Variants in CRTC3 observed in about 807,000 individuals in gnomAD.
The protein encoded by CRTC3 is CREB regulated transcription coactivator 3.
Under a neutral mutation model 74.5 loss-of-function variants are expected in CRTC3, and 26 were observed. That is an observed-to-expected ratio of 0.35 (90% confidence interval 0.26 to 0.48). The LOEUF (loss-of-function observed/expected upper bound fraction) is 0.48, where lower values mean the gene tolerates loss of function less well. Ranked by LOEUF, CRTC3 falls within the 20% of genes least tolerant of loss-of-function variation. The pLI, the probability that CRTC3 is intolerant of heterozygous loss-of-function variation, is 0.99. For missense variants in CRTC3, 760 were observed against 787.3 expected (o/e 0.97, Z 0.41); for synonymous variants, 377 against 325.8 (o/e 1.16, Z -1.69).
At chr15:90,593,893 G>T in intron 3 of CRTC3, 138 bp downstream of exon 3, 1 of 819,294 alleles carries the variant, frequency 1.2e-6, no homozygotes. Flanking sequence ...AAATAAATGA[G>T]TTGGAAACTA....
intron 9 of CRTC3, among the ~76,000 whole-genome samples, chr15:90,624,197 TG>T (rs1342486140): frequency 1.3e-5 from 2 of 152,112 alleles, no homozygotes; most frequent in Non-Finnish European, 2.9e-5. Flanking sequence ...GACTTCCCTC[TG>T]CTCCTGGCTG....
rs1262781255 is a variant in CRTC3, at chr15:90,543,658, C to T, written c.231+3521C>T. Among the ~76,000 whole-genome samples, 6 of 152,080 alleles carry T rather than the reference C, an allele frequency of 3.9e-5. No homozygotes were observed. The South Asian group carries it at 6.2e-4, about 16-fold the overall frequency. The stretch of plus-strand genomic sequence containing the variant: ...AATTAGGCTGGTGGGAGCCCTCTTC[C>T]GAACTGAGAAAAATTCTTGAAAAAC... On this transcript the variant is annotated intron_variant, in intron 2 of 14. Coordinates refer to ENST00000268184, the MANE Select transcript of CRTC3 (RefSeq NM_022769.5).
chr15:90,534,087 G>A (rs150336157), intron 1 of CRTC3, among the ~76,000 whole-genome samples: 28 of 152,272 alleles, frequency 1.8e-4, no homozygotes, highest in Non-Finnish European at 3.7e-4. Context: ...TAGCTCCAGC[G>A]TGGTGGGTAG....
intron 1 of CRTC3, among the ~76,000 whole-genome samples, chr15:90,533,009 C>G (rs952048289): frequency 7.7e-6 from 1 of 129,126 alleles, no homozygotes; most frequent in African/African-American, 3.0e-5. Context: ...CGCTCGAACC[C>G]AGGAGGTGGA....
intron 14 of CRTC3, 39 bp from the exon 15 acceptor site, chr15:90,641,893 C>T (rs745898431): frequency 1.9e-6 from 3 of 1,594,882 alleles, no homozygotes; most frequent in Non-Finnish European, 1.7e-6. Context: ...CTTCGCGCCT[C>T]CTAACCGCAC....
chr15:90,610,820 G>A (rs1968338650), intron 6 of CRTC3, among the ~76,000 whole-genome samples: 1 of 152,170 alleles, frequency 6.6e-6, no homozygotes, highest in South Asian at 2.1e-4. Context: ...AGGGACTGGG[G>A]TGGTCTCTTC....
At chr15:90,555,932 C>T (rs561079171) in intron 2 of CRTC3, among the ~76,000 whole-genome samples, 9 of 152,134 alleles carry the variant, frequency 5.9e-5, no homozygotes, top group Admixed American at 4.6e-4. Flanking sequence ...AATATGTGCT[C>T]ATTGTGTAAA....
intron 6 of CRTC3, among the ~76,000 whole-genome samples, chr15:90,608,717 G>A (rs111595344): frequency 0.031 from 4,686 of 152,198 alleles, 259 homozygotes; most frequent in African/African-American, 0.11. Flanking sequence ...CACAGTGCCC[G>A]GCACAGAGGA....
chr15:90,547,769 A>G (rs1966846882), intron 2 of CRTC3, among the ~76,000 whole-genome samples: 1 of 152,182 alleles, frequency 6.6e-6, no homozygotes, highest in Non-Finnish European at 1.5e-5. Flanking sequence ...AGCATGTTCC[A>G]GCCTGTGTAA....
chr15:90,532,590 A>C (rs1351018381), intron 1 of CRTC3, among the ~76,000 whole-genome samples: 1 of 152,200 alleles, frequency 6.6e-6, no homozygotes, highest in African/African-American at 2.4e-5. Flanking sequence ...TACATGATCA[A>C]AGCAATCCTT....
chr15:90,585,800 A>G (rs973794271), intron 2 of CRTC3, among the ~76,000 whole-genome samples: 5 of 152,182 alleles, frequency 3.3e-5, no homozygotes, highest in Admixed American at 1.3e-4. Flanking sequence ...CACCTACTGC[A>G]AGCTGGAAAA....
chr15:90,642,384 TC>T lies in CRTC3; in HGVS notation c.*247del. On this transcript the variant is annotated 3_prime_UTR_variant, in exon 15 of 15. Transcript: ENST00000268184. ...TGCAGCAGGCAGGCTGCTTGGAGCT[TC>T]CCATGAACTGGAAAGCTCACCTCCA... 1.8e-6 allele frequency: 1 copy of T among 544,014 alleles called. No individual in the cohort carries two copies. The highest frequency in any genetic ancestry group is 3.3e-6 in the Non-Finnish European group (1 of 301,594). The allele number at this position is 544,014 out of a possible 1,614,324, so 33.7% of individuals were successfully genotyped here.
intron 7 of CRTC3, 86 bp downstream of exon 7, chr15:90,614,574 A>G: frequency 1.1e-6 from 1 of 942,348 alleles, no homozygotes; most frequent in Admixed American, 2.1e-5. Context: ...ATAAATATTC[A>G]TGTTTTCAGG....
At chr15:90,540,996 G>A (rs1324277968) in intron 2 of CRTC3, among the ~76,000 whole-genome samples, 2 of 152,158 alleles carry the variant, frequency 1.3e-5, no homozygotes, top group Non-Finnish European at 2.9e-5. Flanking sequence ...CTCAGTGCAG[G>A]TGTAAGACAC....
At chr15:90,635,525 A>G (rs1033785410) in intron 11 of CRTC3, among the ~76,000 whole-genome samples, 1 of 152,098 alleles carries the variant, frequency 6.6e-6, no homozygotes, top group East Asian at 1.9e-4. Context: ...TGCTCCTGTA[A>G]TCTCAGCTAC....
chr15:90,628,329 AAAC>A (rs1319311605), intron 10 of CRTC3, among the ~76,000 whole-genome samples: 1 of 152,142 alleles, frequency 6.6e-6, no homozygotes, highest in South Asian at 2.1e-4. Context: ...TGTCAACACG[AAAC>A]AACACATAGT....
chr15:90,642,298 G>A lies in CRTC3; in HGVS notation c.*158G>A. 1 of 640,948 alleles carries A rather than the reference G, an allele frequency of 1.6e-6. No individual in the cohort carries two copies. Among genetic ancestry groups the A allele is most frequent in the East Asian group, 2.7e-5 (1 of 36,480 alleles). The allele number at this position is 640,948 out of a possible 1,614,324, so 39.7% of individuals were successfully genotyped here. On this transcript the variant is annotated 3_prime_UTR_variant, in exon 15 of 15. Coordinates refer to ENST00000268184, the MANE Select transcript of CRTC3 (RefSeq NM_022769.5). The stretch of plus-strand genomic sequence containing the variant: ...CAGATGAGATCCCATCTCAGACACT[G>A]TGGCTTCCTCCAGATCACACAGCTT...
intron 11 of CRTC3, chr15:90,635,099 C>T (rs1316150797): frequency 5.6e-6 from 4 of 708,680 alleles, no homozygotes; most frequent in Non-Finnish European, 1.0e-5. Context: ...TGAAATCTTT[C>T]ATCATGTAAA....
intron 6 of CRTC3, 35 bp downstream of exon 6, chr15:90,607,513 G>A: frequency 2.3e-6 from 3 of 1,320,278 alleles, no homozygotes; most frequent in Non-Finnish European, 3.3e-6. Context: ...CAGCAGCTGT[G>A]CTTGCTCATT....
Sources: allele counts gnomAD v4.1 joint callset (sites outside exome capture counted in the v4.1 genomes callset), GRCh38; gene constraint gnomAD v4.1.1; transcripts MANE v1.5; gene names NCBI Gene and HGNC (gene_info 2026-07-23, HGNC 2026-07-21).